The following PPP2R2C variants were observed in gnomAD, a reference collection of about 807,000 sequenced individuals.
PPP2R2C encodes protein phosphatase 2 regulatory subunit Bgamma, also known as protein phosphatase 2, regulatory subunit B, gamma.
A neutral mutation model predicts 45.3 loss-of-function variants in PPP2R2C; 10 were observed. The ratio of observed to expected loss-of-function variants is 0.22; its 90% CI spans 0.14 to 0.37. PPP2R2C has a LOEUF of 0.37. Among genes scored for constraint, PPP2R2C ranks in the 10% least tolerant of loss-of-function variants. The probability of loss-of-function intolerance (pLI) is 1.00; values close to 1 mark genes in which losing one functional copy is unlikely to be tolerated. For missense variants in PPP2R2C, 308 were observed against 619.7 expected (o/e 0.50, Z 5.34); for synonymous variants, 257 against 245.4 (o/e 1.05, Z -0.44).
At chr4:6,439,579 T>G (rs1040039048) in intron 1 of PPP2R2C, among the ~76,000 whole-genome samples, 2 of 152,324 alleles carry the variant, frequency 1.3e-5, no homozygotes, top group Admixed American at 6.5e-5. Flanking sequence ...AGCCAGGCCC[T>G]GGGAGCAGCC....
chr4:6,334,814 C>A (rs1217851273), intron 6 of PPP2R2C, among the ~76,000 whole-genome samples: 1 of 152,208 alleles, frequency 6.6e-6, no homozygotes, highest in East Asian at 1.9e-4. Context: ...GGTCTCTACC[C>A]CAGAAACAGG....
intron 1 of PPP2R2C, among the ~76,000 whole-genome samples, chr4:6,465,682 G>A (rs73207848): frequency 0.16 from 24,250 of 151,448 alleles, 2,165 homozygotes; most frequent in East Asian, 0.38. Flanking sequence ...AACTCTTAGC[G>A]TGCATTTTAT....
At chr4:6,370,823 C>A (rs1005239717) in intron 5 of PPP2R2C, among the ~76,000 whole-genome samples, 1 of 152,226 alleles carries the variant, frequency 6.6e-6, no homozygotes, top group African/African-American at 2.4e-5. Flanking sequence ...ACTGGTGGGG[C>A]CCGATGTCCT....
chr4:6,423,555 A>C (rs1308281360), intron 1 of PPP2R2C, among the ~76,000 whole-genome samples: 5 of 152,252 alleles, frequency 3.3e-5, no homozygotes, highest in African/African-American at 1.2e-4. Flanking sequence ...CCTGCCCTTA[A>C]AGATCTTACA....
chr4:6,346,392 A>C (rs1034221247), intron 6 of PPP2R2C, among the ~76,000 whole-genome samples: 4 of 151,968 alleles, frequency 2.6e-5, no homozygotes, highest in Admixed American at 6.5e-5. Flanking sequence ...CCACCCCCTC[A>C]GGGTGTCCGT....
intron 2 of PPP2R2C, among the ~76,000 whole-genome samples, chr4:6,495,701 G>C (rs1423527485): frequency 1.3e-5 from 2 of 152,356 alleles, no homozygotes; most frequent in Non-Finnish European, 2.9e-5. Context: ...TCAGCTAAAA[G>C]ATGCCAAGGC....
chr4:6,540,772 G>C (rs1427043341), intron 1 of PPP2R2C, among the ~76,000 whole-genome samples: 1 of 152,260 alleles, frequency 6.6e-6, no homozygotes, highest in South Asian at 2.1e-4. Flanking sequence ...GCATCAGGGA[G>C]AGACTGATGG....
At chr4:6,465,329 T>C (rs1327910159) in intron 1 of PPP2R2C, among the ~76,000 whole-genome samples, 2 of 152,068 alleles carry the variant, frequency 1.3e-5, no homozygotes, top group East Asian at 1.9e-4. Context: ...ATGGACCCAA[T>C]GGGTGAGAGA....
At chr4:6,554,922 G>GGAAA (rs1725319129) in intron 1 of PPP2R2C, among the ~76,000 whole-genome samples, 1 of 93,466 alleles carries the variant, frequency 1.1e-5, no homozygotes, top group Admixed American at 1.3e-4. Flanking sequence ...AAGGAAGGAA[G>GGAAA]GAAGGAAGGA....
Position 6,453,588 on chromosome 4 carries a change from C to T in PPP2R2C, c.70+18572G>A, listed in dbSNP as rs182294721. Among the ~76,000 whole-genome samples the T allele has an allele frequency of 3.9e-3, 594 of 151,788 alleles. 4 individuals are homozygous for T. The highest frequency in any genetic ancestry group is 0.013 in the African/African-American group (551 of 41,412). The stretch of plus-strand genomic sequence containing the variant: ...CGAGAATGGTCCCCCCGCACCAGTG[C>T]GGGCACGTGGTGTGCACCGGGTCTG... On this transcript the variant is annotated intron_variant, in intron 1 of 8. Coordinates refer to ENST00000382599, the MANE Select transcript of PPP2R2C (RefSeq NM_020416.4).
intron 2 of PPP2R2C, among the ~76,000 whole-genome samples, chr4:6,527,759 C>G (rs1278365020): frequency 6.6e-6 from 1 of 152,140 alleles, no homozygotes; most frequent in Non-Finnish European, 1.5e-5. Flanking sequence ...GATGTTGGCC[C>G]CCTTCCCACA....
intron 2 of PPP2R2C, among the ~76,000 whole-genome samples, chr4:6,495,994 G>C (rs1182354871): frequency 6.6e-6 from 1 of 152,144 alleles, no homozygotes; most frequent in East Asian, 1.9e-4. Context: ...GGCACTCCTT[G>C]GTGCCCCTTG....
At chr4:6,362,967 C>T (rs1018653302) in intron 5 of PPP2R2C, among the ~76,000 whole-genome samples, 23 of 152,118 alleles carry the variant, frequency 1.5e-4, no homozygotes, top group Admixed American at 1.1e-3. Context: ...ATATTAATAA[C>T]GCCTACCACA....
chr4:6,461,866 AC>A (rs1487030002), intron 1 of PPP2R2C, among the ~76,000 whole-genome samples: 2 of 152,164 alleles, frequency 1.3e-5, no homozygotes, highest in Non-Finnish European at 2.9e-5. Flanking sequence ...GGCGGTGGCT[AC>A]CCCAGTTCCT....
At chr4:6,327,724 G>A (rs896610606) in intron 8 of PPP2R2C, among the ~76,000 whole-genome samples, 1 of 152,114 alleles carries the variant, frequency 6.6e-6, no homozygotes, top group Non-Finnish European at 1.5e-5. Flanking sequence ...ACCCAGCTGT[G>A]CCAGCCCAGC....
intron 1 of PPP2R2C, among the ~76,000 whole-genome samples, chr4:6,416,683 C>T (rs948672283): frequency 5.9e-5 from 9 of 152,232 alleles, no homozygotes; most frequent in African/African-American, 1.7e-4. Context: ...GCTGCCAACA[C>T]GCCCTCCAGC....
At chr4:6,343,622 A>C (rs1277026815) in intron 6 of PPP2R2C, among the ~76,000 whole-genome samples, 1 of 152,136 alleles carries the variant, frequency 6.6e-6, no homozygotes, top group East Asian at 1.9e-4. Context: ...CCAGAGGCTG[A>C]GGTGAGAGAA....
intron 5 of PPP2R2C, among the ~76,000 whole-genome samples, chr4:6,360,162 G>A (rs1713598619): frequency 6.6e-6 from 1 of 152,252 alleles, no homozygotes; most frequent in Non-Finnish European, 1.5e-5. Flanking sequence ...CCCAGGAGGA[G>A]AGGGAGGCCC....
At chr4:6,525,536 C>T (rs1056137226) in intron 2 of PPP2R2C, among the ~76,000 whole-genome samples, 2 of 152,132 alleles carry the variant, frequency 1.3e-5, no homozygotes, top group East Asian at 1.9e-4. Flanking sequence ...ACAATGGGAC[C>T]GGAGGTCAGA....
Sources: gnomAD v4.1 joint callset for allele counts (sites outside exome capture counted in the v4.1 genomes callset) on GRCh38, gnomAD v4.1.1 for gene constraint, MANE v1.5 for transcripts, NCBI Gene and HGNC (gene_info 2026-07-23, HGNC 2026-07-21) for gene names.